ACBD3: variants seen among roughly 807,000 people sequenced by gnomAD.
ACBD3 encodes Golgi resident protein GCP60.
ACBD3 carries 30 observed loss-of-function variants against 66.9 expected under a neutral mutation model. That is an observed-to-expected ratio of 0.45 (90% CI 0.34 to 0.61). The LOEUF (loss-of-function observed/expected upper bound fraction) is 0.61, where lower values mean the gene tolerates loss of function less well. Among genes scored for constraint, ACBD3 ranks in the 20% least tolerant of loss-of-function variants. ACBD3 has a pLI of 0.02. For missense variants in ACBD3, 544 were observed against 664.5 expected (o/e 0.82, Z 1.99); for synonymous variants, 278 against 259.8 (o/e 1.07, Z -0.68).
chr1:226,163,376 A>G (rs1430084557), intron 3 of ACBD3, among the ~76,000 whole-genome samples: 3 of 152,218 alleles, frequency 2.0e-5, no homozygotes, highest in Non-Finnish European at 4.4e-5. Flanking sequence ...ATACTTCTAC[A>G]GACACCCTAG....
At chr1:226,179,700 A>G (rs1006260473) in intron 1 of ACBD3, among the ~76,000 whole-genome samples, 4 of 152,058 alleles carry the variant, frequency 2.6e-5, no homozygotes, top group Non-Finnish European at 5.9e-5. Context: ...TCTACTAAAA[A>G]TACAAAAATT....
At chr1:226,162,783 G>T (rs904551360) in intron 3 of ACBD3, among the ~76,000 whole-genome samples, 4 of 151,178 alleles carry the variant, frequency 2.6e-5, no homozygotes, top group Non-Finnish European at 4.4e-5. Context: ...TCAAAATATT[G>T]TAATAACATG....
At position 226,146,655 on chromosome 1, in the gene ACBD3, C is replaced by T; in HGVS notation, c.1542G>A (p.Leu514=). 6.2e-7 allele frequency: 1 copy of T among 1,613,974 alleles called. No homozygotes were observed. Among genetic ancestry groups the T allele is most frequent in the Non-Finnish European group, 8.5e-7 (1 of 1,180,012 alleles). The change falls in exon 8 of 8, where the codon TTG becomes TTA. Residue 514 remains leucine, a synonymous_variant. Coordinates refer to ENST00000366812, the MANE Select transcript of ACBD3 (RefSeq NM_022735.4). The part of the protein sequence containing the change: ...YLLKFDNSYS[L]WRSKSVYYRV... ...TGTAGTAGACTGATTTTGACCGCCA[C>T]AAAGAGTAGGAGTTGTCAAACTTGA...
intron 7 of ACBD3, among the ~76,000 whole-genome samples, chr1:226,150,099 C>T (rs1166084696): frequency 1.6e-4 from 24 of 146,790 alleles, no homozygotes; most frequent in Admixed American, 1.5e-3. Flanking sequence ...CTCTGTCGCT[C>T]GGGCTGGAAT....
At chr1:226,153,827 G>T (rs1236526939) in intron 6 of ACBD3, among the ~76,000 whole-genome samples, 1 of 152,192 alleles carries the variant, frequency 6.6e-6, no homozygotes, top group Non-Finnish European at 1.5e-5. Context: ...GGGTCTTCAT[G>T]CACTTGTGAG....
At chr1:226,154,864 GA>G in intron 5 of ACBD3, 31 bp from the exon 6 acceptor site, 1 of 1,555,660 alleles carries the variant, frequency 6.4e-7, no homozygotes, top group South Asian at 1.2e-5. Flanking sequence ...AAGACACACT[GA>G]CCAGGAAGGC....
At chr1:226,146,857 G>C (rs1659464008) in intron 7 of ACBD3, 36 bp from the exon 8 acceptor site, 2 of 1,581,024 alleles carry the variant, frequency 1.3e-6, no homozygotes, top group Admixed American at 1.7e-5. Context: ...AACAGATTCA[G>C]GAAAACCACA....
intron 6 of ACBD3, 174 bp downstream of exon 6, chr1:226,154,473 C>T (rs1313578011): frequency 1.6e-6 from 1 of 615,538 alleles, no homozygotes; most frequent in Non-Finnish European, 2.7e-6. Context: ...TGCTCTTCTA[C>T]ACTGGTCTAT....
chr1:226,169,837 C>G (rs1427717435), intron 1 of ACBD3, among the ~76,000 whole-genome samples: 2 of 151,726 alleles, frequency 1.3e-5, no homozygotes, highest in South Asian at 4.2e-4. Context: ...GTCTGGCCAA[C>G]ATGGCAAAAC....
intron 7 of ACBD3, among the ~76,000 whole-genome samples, chr1:226,148,444 T>C (rs566693078): frequency 2.0e-5 from 3 of 152,382 alleles, no homozygotes; most frequent in African/African-American, 4.8e-5. Context: ...GAAATACCTA[T>C]AATTAAGCAT....
At chr1:226,154,592 G>A (rs751104325) in intron 6 of ACBD3, 55 bp downstream of exon 6, 117 of 1,534,984 alleles carry the variant, frequency 7.6e-5, no homozygotes, top group Non-Finnish European at 9.5e-5. Flanking sequence ...CATGACTTTT[G>A]CCTTTCACAG....
At chr1:226,149,937 G>A (rs1445834347) in intron 7 of ACBD3, among the ~76,000 whole-genome samples, 4 of 152,060 alleles carry the variant, frequency 2.6e-5, no homozygotes, top group Non-Finnish European at 5.9e-5. Context: ...GAGTCCCTGT[G>A]ATGCAACAGA....
intron 1 of ACBD3, among the ~76,000 whole-genome samples, chr1:226,183,070 G>A (rs1173384248): frequency 6.6e-6 from 1 of 152,176 alleles, no homozygotes; most frequent in African/African-American, 2.4e-5. Context: ...ATAAGAAATA[G>A]GGCTTGTCAT....
intron 5 of ACBD3, among the ~76,000 whole-genome samples, chr1:226,155,976 G>A (rs901028288): frequency 4.6e-5 from 7 of 152,138 alleles, no homozygotes; most frequent in African/African-American, 1.4e-4. Context: ...AATCAATATG[G>A]ACAGATACTA....
chr1:226,186,549 A>T lies in ACBD3; in HGVS notation c.127T>A (p.Ser43Thr). Residue 43 changes from serine to threonine, a missense_variant, in exon 1 of 8, where the codon TCG becomes ACG. Physicochemically the swap from Ser to Thr is moderately conservative, Grantham distance 58. Coordinates refer to ENST00000366812, the MANE Select transcript of ACBD3 (RefSeq NM_022735.4). Reference sequence around the variant, plus strand: ...GGGCCGCGACCGGATCCAGGTGGCGAGGGCGGTGGCAGCGGTGGCGGCAGC... The same window carrying T: ...GGGCCGCGACCGGATCCAGGTGGCGTGGGCGGTGGCAGCGGTGGCGGCAGC... ...PLLPPPLPPPSPPGSGRGPGA... is the reference protein window; with the variant it reads ...PLLPPPLPPPTPPGSGRGPGA... 5 of 1,365,062 alleles carry T rather than the reference A, an allele frequency of 3.7e-6. No individual in the cohort carries two copies. Among genetic ancestry groups the T allele is most frequent in the Non-Finnish European group, 4.7e-6 (5 of 1,064,256 alleles). 84.6% of individuals were successfully genotyped at this position (1,365,062 alleles called of 1,614,324 possible).
At chr1:226,163,225 C>G (rs1293500958) in intron 3 of ACBD3, among the ~76,000 whole-genome samples, 1 of 152,174 alleles carries the variant, frequency 6.6e-6, no homozygotes, top group African/African-American at 2.4e-5. Context: ...TAAAATAATT[C>G]TATGTGGACT....
At chr1:226,150,060 T>G (rs1659539684) in intron 7 of ACBD3, among the ~76,000 whole-genome samples, 1 of 150,216 alleles carries the variant, frequency 6.7e-6, no homozygotes, top group South Asian at 2.1e-4. Flanking sequence ...TTTTAATTTT[T>G]TTTTTTTTTT....
chr1:226,166,868 C>A (rs1659886527), intron 1 of ACBD3, among the ~76,000 whole-genome samples: 1 of 152,204 alleles, frequency 6.6e-6, no homozygotes, highest in Non-Finnish European at 1.5e-5. Flanking sequence ...AAGCTGCAGT[C>A]AGGCTACAGC....
At chr1:226,157,070 T>C (rs372268032) in intron 5 of ACBD3, among the ~76,000 whole-genome samples, 17 of 152,016 alleles carry the variant, frequency 1.1e-4, no homozygotes, top group African/African-American at 3.9e-4. Context: ...CCCACAAATG[T>C]ATCTACACCC....
Sources: gnomAD v4.1 joint callset for allele counts (sites outside exome capture counted in the v4.1 genomes callset) on GRCh38, gnomAD v4.1.1 for gene constraint, MANE v1.5 for transcripts, NCBI Gene and HGNC (gene_info 2026-07-23, HGNC 2026-07-21) for gene names.